The following RALYL variants were observed in gnomAD, a reference collection of about 807,000 sequenced individuals.
RALYL encodes RALY RNA binding protein like, also known as RNA-binding Raly-like protein.
In RALYL, 29 loss-of-function variants were observed where a neutral mutation model predicts 35.1. The ratio of observed to expected loss-of-function variants is 0.83; its 90% CI spans 0.61 to 1.13. The LOEUF (loss-of-function observed/expected upper bound fraction) is 1.13, where lower values mean the gene tolerates loss of function less well. Ranked by LOEUF, RALYL falls within the 50% of genes most tolerant of loss-of-function variation. The pLI, the probability that RALYL is intolerant of heterozygous loss-of-function variation, is 0.00. For synonymous variants in RALYL, 120 were observed against 127.6 expected (o/e 0.94, Z 0.40); for missense variants, 359 against 360.4 (o/e 1.00, Z 0.03).
intron 2 of RALYL, among the ~76,000 whole-genome samples, chr8:84,680,756 C>T (rs932500900): frequency 5.1e-4 from 78 of 152,068 alleles, no homozygotes; most frequent in African/African-American, 1.3e-3. Flanking sequence ...ATTAGCCCTT[C>T]GTCAGATGAG....
At chr8:84,826,154 G>T (rs888760652) in intron 4 of RALYL, among the ~76,000 whole-genome samples, 1 of 151,968 alleles carries the variant, frequency 6.6e-6, no homozygotes, top group African/African-American at 2.4e-5. Context: ...ACTACTAGAG[G>T]GGGAAAGGGA....
chr8:84,448,994 A>G (rs2133139258), intron 1 of RALYL, among the ~76,000 whole-genome samples: 1 of 152,066 alleles, frequency 6.6e-6, no homozygotes, highest in Non-Finnish European at 1.5e-5. Flanking sequence ...AATATCCAGC[A>G]AGCATGTGGT....
intron 2 of RALYL, among the ~76,000 whole-genome samples, chr8:84,560,473 G>T (rs1040122821): frequency 6.6e-6 from 1 of 151,876 alleles, no homozygotes. Flanking sequence ...AGACAATGTA[G>T]CCTGGGATAT....
intron 4 of RALYL, among the ~76,000 whole-genome samples, chr8:84,815,144 T>C (rs900850318): frequency 4.6e-5 from 7 of 152,322 alleles, no homozygotes; most frequent in Admixed American, 6.5e-5. Flanking sequence ...GGCAGCCACA[T>C]TGAACTAGAA....
intron 2 of RALYL, among the ~76,000 whole-genome samples, chr8:84,534,819 A>G (rs1275443462): frequency 1.3e-5 from 2 of 152,224 alleles, no homozygotes; most frequent in Non-Finnish European, 2.9e-5. Flanking sequence ...TCAGCTTGCT[A>G]AGGAGACTAG....
intron 2 of RALYL, among the ~76,000 whole-genome samples, chr8:84,581,094 C>T (rs772631403): frequency 3.3e-5 from 5 of 152,268 alleles, no homozygotes; most frequent in East Asian, 1.9e-4. Context: ...CATGTTGGGG[C>T]TCAGGACTCC....
intron 4 of RALYL, among the ~76,000 whole-genome samples, chr8:84,843,030 T>C (rs1033940602): frequency 6.6e-6 from 1 of 152,160 alleles, no homozygotes; most frequent in Admixed American, 6.5e-5. Context: ...GGGCAAAAAC[T>C]GGAAGCATTC....
Position 84,883,016 on chromosome 8 carries a change from T to A in RALYL, c.686-4588T>A, listed in dbSNP as rs140226963. 5.9e-3 allele frequency among the ~76,000 whole-genome samples: 897 copies of A among 152,116 alleles called. 8 individuals carry two copies. Among genetic ancestry groups the A allele is most frequent in the African/African-American group, 0.019 (793 of 41,544 alleles). Reference sequence around the variant, plus strand: ...GTGATTTTATTCATGGAACCTATCATTGTTTAGTGATTATAATATTTCCCA... The same window carrying A: ...GTGATTTTATTCATGGAACCTATCAATGTTTAGTGATTATAATATTTCCCA... On this transcript the variant is annotated intron_variant, in intron 7 of 8. Transcript: ENST00000521268.
At chr8:84,506,682 A>G (rs1306620216) in intron 1 of RALYL, among the ~76,000 whole-genome samples, 1 of 152,050 alleles carries the variant, frequency 6.6e-6, no homozygotes, top group Non-Finnish European at 1.5e-5. Flanking sequence ...TATCTAAAAT[A>G]TGATAAATTT....
chr8:84,213,067 A>ATATC (rs1819896343), intron 1 of RALYL, among the ~76,000 whole-genome samples: 4 of 152,184 alleles, frequency 2.6e-5, no homozygotes, highest in Admixed American at 2.6e-4. Flanking sequence ...TATAGATACA[A>ATATC]TAGATAACTG....
chr8:84,678,515 C>G (rs775668387), intron 2 of RALYL, among the ~76,000 whole-genome samples: 23 of 152,128 alleles, frequency 1.5e-4, no homozygotes, highest in Non-Finnish European at 2.8e-4. Context: ...GATCCACCCA[C>G]CTCGGCCTCC....
At chr8:84,673,751 T>G (rs977272176) in intron 2 of RALYL, among the ~76,000 whole-genome samples, 2 of 152,132 alleles carry the variant, frequency 1.3e-5, no homozygotes, top group African/African-American at 2.4e-5. Flanking sequence ...TGTCTGTTCT[T>G]CCAGTACCAT....
intron 2 of RALYL, among the ~76,000 whole-genome samples, chr8:84,749,226 A>G (rs1347747072): frequency 6.6e-6 from 1 of 152,190 alleles, no homozygotes. Flanking sequence ...AATGGTTCTC[A>G]GCCTAAACAC....
chr8:84,436,832 C>T (rs889066682), intron 1 of RALYL, among the ~76,000 whole-genome samples: 9 of 150,922 alleles, frequency 6.0e-5, no homozygotes, highest in African/African-American at 2.2e-4. Flanking sequence ...GGACATTTAA[C>T]ATAAGATCTA....
chr8:84,390,303 CTT>C (rs1563837551), intron 1 of RALYL, among the ~76,000 whole-genome samples: 1 of 151,996 alleles, frequency 6.6e-6, no homozygotes, highest in Admixed American at 6.6e-5. Context: ...CCAAAATTCT[CTT>C]TTTTGGTTGT....
intron 1 of RALYL, among the ~76,000 whole-genome samples, chr8:84,368,193 G>GT (rs768149373): frequency 1.3e-5 from 2 of 152,126 alleles, no homozygotes; most frequent in Non-Finnish European, 2.9e-5. Flanking sequence ...AAAAGTACAT[G>GT]TATCTATTTA....
intron 2 of RALYL, among the ~76,000 whole-genome samples, chr8:84,674,973 A>G (rs1297393330): frequency 6.6e-6 from 1 of 151,170 alleles, no homozygotes; most frequent in Non-Finnish European, 1.5e-5. Flanking sequence ...CCAATAGTGC[A>G]GATGTAAAAA....
At chr8:84,228,533 A>G (rs1481197680) in intron 1 of RALYL, among the ~76,000 whole-genome samples, 1 of 152,224 alleles carries the variant, frequency 6.6e-6, no homozygotes, top group Admixed American at 6.5e-5. Flanking sequence ...GAATCTCCAA[A>G]ATTGGCAGAT....
intron 1 of RALYL, among the ~76,000 whole-genome samples, chr8:84,423,427 T>C (rs1257472454): frequency 6.6e-6 from 1 of 151,726 alleles, no homozygotes. Context: ...TCCTTTTATT[T>C]TGAGCCTATG....
Sources: allele counts gnomAD v4.1 joint callset (sites outside exome capture counted in the v4.1 genomes callset), GRCh38; gene constraint gnomAD v4.1.1; transcripts MANE v1.5; gene names NCBI Gene and HGNC (gene_info 2026-07-23, HGNC 2026-07-21).